The following FAM13C variants were observed in gnomAD, a reference collection of about 807,000 sequenced individuals.
FAM13C encodes the protein protein FAM13C.
In FAM13C, 37 loss-of-function variants were observed where a neutral mutation model predicts 73.2. The ratio of observed to expected loss-of-function variants is 0.51; its 90% confidence interval spans 0.39 to 0.67. The LOEUF is 0.67. FAM13C is among the 30% of genes least tolerant of loss of function. The pLI is 0.00. For synonymous variants in FAM13C, 246 were observed against 260.9 expected (o/e 0.94, Z 0.55); for missense variants, 589 against 715.6 (o/e 0.82, Z 2.02).
intron 4 of FAM13C, among the ~76,000 whole-genome samples, chr10:59,313,844 G>GT (rs1268753663): frequency 6.6e-6 from 1 of 152,132 alleles, no homozygotes; most frequent in African/African-American, 2.4e-5. Flanking sequence ...CAAGAGAGGC[G>GT]TGAGATTATA....
chr10:59,351,664 C>G (rs72808593), intron 3 of FAM13C, among the ~76,000 whole-genome samples: 77 of 152,258 alleles, frequency 5.1e-4, no homozygotes, highest in Admixed American at 7.8e-4. Context: ...AGATCCTCCT[C>G]CATCTTCCCC....
At position 59,347,887 on chromosome 10, in the gene FAM13C, T is replaced by C. The variant is rs532075401; in HGVS notation, c.324+4383A>G. 3.9e-5 allele frequency among the ~76,000 whole-genome samples: 6 copies of C among 152,306 alleles called. No individual in the cohort carries two copies. The South Asian group carries it at 1.2e-3, about 32-fold the overall frequency. On this transcript the variant is annotated intron_variant, in intron 3 of 13. Transcript: ENST00000618804. The stretch of plus-strand genomic sequence containing the variant: ...TTTTATATGGCTGCATAGTATTCCA[T>C]GGTGTATATGTGCCACATTTTCTTT...
At chr10:59,325,673 T>G (rs1851009481) in intron 3 of FAM13C, among the ~76,000 whole-genome samples, 1 of 152,134 alleles carries the variant, frequency 6.6e-6, no homozygotes. Context: ...AGTTTCCTTT[T>G]CTGTAAAATG....
At chr10:59,257,650 A>C (rs192756944) in intron 10 of FAM13C, among the ~76,000 whole-genome samples, 3 of 152,300 alleles carry the variant, frequency 2.0e-5, no homozygotes, top group Admixed American at 2.0e-4. Context: ...ATTGAGGGAG[A>C]CACTATATGC....
At chr10:59,286,948 C>A (rs867319184) in intron 5 of FAM13C, among the ~76,000 whole-genome samples, 1 of 148,780 alleles carries the variant, frequency 6.7e-6, no homozygotes, top group Non-Finnish European at 1.5e-5. Context: ...ACAGGAGAAT[C>A]GCTTGAACCC....
At position 59,268,596 on chromosome 10, in the gene FAM13C, A is replaced by C; in HGVS notation, c.899T>G (p.Ile300Ser). The C allele has an allele frequency of 6.2e-7, 1 of 1,613,640 alleles. No individual in the cohort carries two copies. Among genetic ancestry groups the C allele is most frequent in the Non-Finnish European group, 8.5e-7 (1 of 1,179,774 alleles). ...TKHIQSLKRK[I>S]RKFEEKFEQE... is the part of the protein sequence containing the mutation. ...TTCAAATTTTTCTTCAAATTTCCGAATTTTCCGCTTGAGGCTCTGGATGTG... is the reference window on the plus strand; with the variant it reads ...TTCAAATTTTTCTTCAAATTTCCGACTTTTCCGCTTGAGGCTCTGGATGTG... Residue 300 changes from isoleucine (I) to serine (S), a missense_variant, in exon 8 of 14, where the codon ATT becomes AGT. Coordinates refer to ENST00000618804, the MANE Select transcript of FAM13C (RefSeq NM_198215.4).
chr10:59,310,977 C>A (rs987320541), intron 4 of FAM13C, among the ~76,000 whole-genome samples: 5 of 152,124 alleles, frequency 3.3e-5, no homozygotes, highest in Non-Finnish European at 7.4e-5. Context: ...TGGGAGGACA[C>A]CAGTGGCTAA....
intron 6 of FAM13C, among the ~76,000 whole-genome samples, chr10:59,273,496 A>T (rs1843961195): frequency 1.3e-5 from 2 of 152,148 alleles, no homozygotes. Context: ...CATAATAATC[A>T]TCATATCTAA....
At chr10:59,345,689 T>C (rs1854205421) in intron 3 of FAM13C, among the ~76,000 whole-genome samples, 1 of 152,188 alleles carries the variant, frequency 6.6e-6, no homozygotes, top group Non-Finnish European at 1.5e-5. Flanking sequence ...TCAAGGACCC[T>C]GCATTTCTCA....
intron 3 of FAM13C, among the ~76,000 whole-genome samples, chr10:59,326,389 G>C (rs1476143728): frequency 6.6e-6 from 1 of 152,118 alleles, no homozygotes; most frequent in Non-Finnish European, 1.5e-5. Flanking sequence ...GGAAGACTAA[G>C]TAAGGAGTCT....
At chr10:59,304,667 GGTGAT>G (rs979668166) in intron 4 of FAM13C, among the ~76,000 whole-genome samples, 2 of 150,314 alleles carry the variant, frequency 1.3e-5, no homozygotes, top group African/African-American at 4.9e-5. Flanking sequence ...TTAATACCTG[GGTGAT>G]TAAATAATCT....
At chr10:59,348,415 T>C (rs1220507682) in intron 3 of FAM13C, among the ~76,000 whole-genome samples, 1 of 152,226 alleles carries the variant, frequency 6.6e-6, no homozygotes, top group Non-Finnish European at 1.5e-5. Context: ...TCTTATGAAA[T>C]AGTTCTATCA....
intron 3 of FAM13C, among the ~76,000 whole-genome samples, chr10:59,326,475 T>G (rs1485426720): frequency 6.6e-6 from 1 of 152,156 alleles, no homozygotes; most frequent in Non-Finnish European, 1.5e-5. Flanking sequence ...CATGACAGGC[T>G]GCCCTTCCCA....
chr10:59,335,454 C>T (rs777513153), intron 3 of FAM13C, among the ~76,000 whole-genome samples: 1 of 152,068 alleles, frequency 6.6e-6, no homozygotes, highest in Non-Finnish European at 1.5e-5. Context: ...AACATTGAAC[C>T]CAAAGGCATT....
intron 3 of FAM13C, among the ~76,000 whole-genome samples, chr10:59,339,719 T>C (rs972195422): frequency 6.6e-6 from 1 of 152,154 alleles, no homozygotes; most frequent in African/African-American, 2.4e-5. Context: ...AACTCACTGA[T>C]AGTTTTGCCC....
intron 3 of FAM13C, among the ~76,000 whole-genome samples, chr10:59,325,309 G>T (rs1457515311): frequency 1.3e-5 from 2 of 152,102 alleles, no homozygotes; most frequent in Non-Finnish European, 2.9e-5. Flanking sequence ...GAGGCTTTTT[G>T]CCAAGAAGTC....
intron 4 of FAM13C, among the ~76,000 whole-genome samples, chr10:59,321,393 C>CTAT (rs1850240498): frequency 6.7e-6 from 1 of 148,434 alleles, no homozygotes; most frequent in Non-Finnish European, 1.5e-5. Context: ...ATAGATTCTT[C>CTAT]CCTAGAGCCT....
At chr10:59,281,205 A>C (rs1324090351) in intron 6 of FAM13C, among the ~76,000 whole-genome samples, 2 of 152,286 alleles carry the variant, frequency 1.3e-5, no homozygotes, top group East Asian at 1.9e-4. Context: ...AACATGAAAA[A>C]ACTTAAAGTT....
At chr10:59,327,364 A>G (rs1175592721) in intron 3 of FAM13C, among the ~76,000 whole-genome samples, 1 of 152,190 alleles carries the variant, frequency 6.6e-6, no homozygotes, top group Admixed American at 6.5e-5. Context: ...AAACAAGAAT[A>G]GTAGTACTCA....
Sources: gnomAD v4.1 joint callset for allele counts (sites outside exome capture counted in the v4.1 genomes callset) on GRCh38, gnomAD v4.1.1 for gene constraint, MANE v1.5 for transcripts, NCBI Gene and HGNC (gene_info 2026-07-23, HGNC 2026-07-21) for gene names.